The following SASH1 variants were observed in gnomAD, a reference collection of about 807,000 sequenced individuals.
SASH1 encodes SAM and SH3 domain-containing protein 1.
In SASH1, 44 loss-of-function variants were observed where a neutral mutation model predicts 125.2. That is an observed-to-expected ratio of 0.35 (90% CI 0.28 to 0.45). The LOEUF is 0.45. Ranked by LOEUF, SASH1 falls within the 20% of genes least tolerant of loss-of-function variation. The pLI, the probability that SASH1 is intolerant of heterozygous loss-of-function variation, is 1.00. For missense variants in SASH1, 1,426 were observed against 1,614.5 expected, an observed-to-expected ratio of 0.88 and a Z score of 2.00; for synonymous variants, 639 against 649.1, an observed-to-expected ratio of 0.98 and a Z score of 0.24.
In SASH1 at chr6:148,514,458, TAAAAAAAAAAAAAAAAAA is replaced by T. The variant is rs10710533; in HGVS notation, c.862+13_862+30del. 17 of 572,100 alleles carry T rather than the reference TAAAAAAAAAAAAAAAAAA, an allele frequency of 3.0e-5. No homozygotes were observed. The highest frequency in any genetic ancestry group is 5.7e-5 in the African/African-American group (1 of 17,642). 35.4% of individuals were successfully genotyped at this position (572,100 alleles called of 1,614,324 possible). A position where few individuals can be genotyped will look rare whatever the true frequency, so the allele number is the denominator to read the frequency against. Reference sequence around the variant, plus strand: ...AAATGAAAAAACCCAGCACTGAAGGTAAAAAAAAAAAAAAAAAAAAAAAAAAAAGGCAGACTCCACCCT... The same window carrying T: ...AAATGAAAAAACCCAGCACTGAAGGTAAAAAAAAAAGGCAGACTCCACCCT... On this transcript the variant is annotated splice_donor_5th_base_variant and intron_variant, in intron 9 of 19. Coordinates refer to ENST00000367467, the MANE Select transcript of SASH1 (RefSeq NM_015278.5).
At chr6:148,231,463 C>CAGGAA in the SASH1 span, among the ~76,000 whole-genome samples, 3 of 152,054 alleles carry the variant, frequency 2.0e-5, no homozygotes, top group African/African-American at 7.2e-5. Flanking sequence ...AATCTGAGTC[C>CAGGAA]ATTGTATTTT....
intron 4 of SASH1, among the ~76,000 whole-genome samples, chr6:148,453,226 G>A (rs1328365613): frequency 1.3e-5 from 2 of 152,186 alleles, no homozygotes; most frequent in African/African-American, 4.8e-5. Context: ...CTGGGGACAG[G>A]TGCTGCTGCC....
At chr6:148,459,504 T>C (rs1041585858) in intron 4 of SASH1, among the ~76,000 whole-genome samples, 2 of 152,246 alleles carry the variant, frequency 1.3e-5, no homozygotes, top group African/African-American at 4.8e-5. Flanking sequence ...AGTTGGTGAA[T>C]GAAAGGACAC....
At chr6:148,453,485 G>A (rs1193762034) in intron 4 of SASH1, among the ~76,000 whole-genome samples, 1 of 152,152 alleles carries the variant, frequency 6.6e-6, no homozygotes, top group Non-Finnish European at 1.5e-5. Context: ...CCAAGGTTTA[G>A]AAAGGTCAGT....
At chr6:148,306,543 C>T (rs1274518518) in intron 1 of SASH1, among the ~76,000 whole-genome samples, 2 of 152,188 alleles carry the variant, frequency 1.3e-5, no homozygotes, top group Non-Finnish European at 2.9e-5. Flanking sequence ...TCAACCCACA[C>T]TAAGTTTCTC....
chr6:148,370,500 T>G (rs1467361625), intron 1 of SASH1, among the ~76,000 whole-genome samples: 1 of 152,204 alleles, frequency 6.6e-6, no homozygotes, highest in African/African-American at 2.4e-5. Flanking sequence ...ATTCTCTCTT[T>G]GCTTTGGAGT....
At chr6:148,254,396 G>C in the SASH1 span, among the ~76,000 whole-genome samples, 1 of 152,190 alleles carries the variant, frequency 6.6e-6, no homozygotes, top group Non-Finnish European at 1.5e-5. Context: ...AGCTGCTTGG[G>C]AGGCTGAGGC....
At chr6:148,316,332 G>T (rs1780479538) in intron 1 of SASH1, among the ~76,000 whole-genome samples, 1 of 152,094 alleles carries the variant, frequency 6.6e-6, no homozygotes, top group Non-Finnish European at 1.5e-5. Flanking sequence ...GGGCAGACTG[G>T]CCTCTTTATT....
In SASH1 at chr6:148,419,562, T is replaced by C. The variant is rs1311740343; in HGVS notation, c.286-20622T>C. Among the ~76,000 whole-genome samples, 6 of 152,190 alleles carry C rather than the reference T, an allele frequency of 3.9e-5. No homozygotes were observed. In the South Asian group the frequency reaches 8.3e-4, roughly 21 times the overall value. On this transcript the variant is annotated intron_variant, in intron 2 of 19. Coordinates refer to ENST00000367467, the MANE Select transcript of SASH1 (RefSeq NM_015278.5). ...ATCCTTTTTAGATGACCATGTAGTA[T>C]TGGGGATGCCGTCCGCCCTCCTGTC... is the stretch of plus-strand genomic sequence containing the variant.
intron 1 of SASH1, among the ~76,000 whole-genome samples, chr6:148,378,870 T>C (rs974057598): frequency 2.0e-5 from 3 of 152,132 alleles, no homozygotes; most frequent in Non-Finnish European, 4.4e-5. Flanking sequence ...TCAGCAGCAT[T>C]AAGATTCACA....
chr6:148,516,746 AAAGT>A lies in SASH1; in HGVS notation c.862+2293_862+2296del, dbSNP rs796124002. On this transcript the variant is annotated intron_variant, in intron 9 of 19. Transcript: ENST00000367467. The stretch of plus-strand genomic sequence containing the variant: ...AGGAACCTGAGACTCAAAGAGGCTA[AAAGT>A]AATTGACTCCTGGCCACTCAGCCAG... Among the ~76,000 whole-genome samples, 6 of 113,976 alleles carry A rather than the reference AAAGT, an allele frequency of 5.3e-5. No individual in the cohort carries two copies. The South Asian group carries it at 1.4e-3, about 27-fold the overall frequency. The allele number at this position is 113,976 out of a possible 152,430, so 74.8% of individuals were successfully genotyped here. A position where few individuals can be genotyped will look rare whatever the true frequency, so the allele number is the denominator to read the frequency against.
intron 1 of SASH1, among the ~76,000 whole-genome samples, chr6:148,321,349 C>T (rs984783454): frequency 9.3e-5 from 14 of 151,216 alleles, no homozygotes; most frequent in Middle Eastern, 6.8e-3. Flanking sequence ...GAGATTGCAC[C>T]ATTGCACTCC....
At chr6:148,404,016 T>C (rs566820443) in intron 2 of SASH1, among the ~76,000 whole-genome samples, 7 of 152,226 alleles carry the variant, frequency 4.6e-5, no homozygotes, top group Non-Finnish European at 1.0e-4. Context: ...ACTGTATCTC[T>C]ATGGCCAGAG....
chr6:148,420,064 A>G (rs1258565764), intron 2 of SASH1, among the ~76,000 whole-genome samples: 1 of 152,220 alleles, frequency 6.6e-6, no homozygotes, highest in Non-Finnish European at 1.5e-5. Context: ...CGTATTGAAT[A>G]ATGTACCTTT....
intron 1 of SASH1, among the ~76,000 whole-genome samples, chr6:148,333,944 T>G (rs559238551): frequency 6.6e-6 from 1 of 152,014 alleles, no homozygotes; most frequent in African/African-American, 2.4e-5. Flanking sequence ...TGCCTCAACC[T>G]CTCAAGTAGC....
chr6:148,210,505 C>T, the SASH1 span, among the ~76,000 whole-genome samples: 1 of 152,206 alleles, frequency 6.6e-6, no homozygotes, highest in Non-Finnish European at 1.5e-5. Context: ...TGCACTCCAG[C>T]CTGGGCAACA....
At chr6:148,377,004 A>G (rs9386224) in intron 1 of SASH1, among the ~76,000 whole-genome samples, 49,981 of 148,884 alleles carry the variant, frequency 0.34, 8,449 homozygotes, top group Admixed American at 0.38. Flanking sequence ...CCCCGTCTCT[A>G]CTAAAAATAC....
At chr6:148,359,576 C>T (rs577238803) in intron 1 of SASH1, among the ~76,000 whole-genome samples, 2 of 152,018 alleles carry the variant, frequency 1.3e-5, no homozygotes, top group Non-Finnish European at 1.5e-5. Flanking sequence ...AAAATGACAA[C>T]AAAGGATTTT....
At position 148,410,919 on chromosome 6, in the gene SASH1, G is replaced by C. The variant is rs894129474; in HGVS notation, c.285+20657G>C. ...TCATGCCTGTAATCCCAGCACTTTG[G>C]GGGGCTGAGACGGGTGGATCACCTG... On this transcript the variant is annotated intron_variant, in intron 2 of 19. Transcript: ENST00000367467. Among the ~76,000 whole-genome samples, 5 of 152,118 alleles carry C rather than the reference G, an allele frequency of 3.3e-5. No homozygotes were observed. The East Asian group carries it at 5.8e-4, about 18-fold the overall frequency.
Sources: allele counts gnomAD v4.1 joint callset (sites outside exome capture counted in the v4.1 genomes callset), GRCh38; gene constraint gnomAD v4.1.1; transcripts MANE v1.5; gene names NCBI Gene and HGNC (gene_info 2026-07-23, HGNC 2026-07-21).